Variants in EPM2A observed in about 807,000 individuals in gnomAD.
EPM2A encodes laforin.
A neutral mutation model predicts 26.5 loss-of-function variants in EPM2A; 21 were observed. That is an observed-to-expected ratio of 0.79 (90% CI 0.56 to 1.14). EPM2A has a LOEUF of 1.14. Ranked by LOEUF, EPM2A falls within the 50% of genes most tolerant of loss-of-function variation. EPM2A has a pLI of 0.00. For missense variants in EPM2A, 458 were observed against 440.8 expected (o/e 1.04, Z -0.35); for synonymous variants, 217 against 177.6 (o/e 1.22, Z -1.76).
intron 4 of EPM2A, among the ~76,000 whole-genome samples, chr6:145,483,931 G>A (rs1233113879): frequency 6.6e-6 from 1 of 152,104 alleles, no homozygotes; most frequent in Non-Finnish European, 1.5e-5. Flanking sequence ...TGTCTGAGAT[G>A]GAGAAGAAGC....
intron 1 of EPM2A, among the ~76,000 whole-genome samples, chr6:145,702,628 C>T (rs369037172): frequency 6.6e-6 from 1 of 152,196 alleles, no homozygotes; most frequent in African/African-American, 2.4e-5. Context: ...TACACCTCTT[C>T]CAGTCCTCCT....
intron 2 of EPM2A, among the ~76,000 whole-genome samples, chr6:145,515,005 A>T (rs1780105877): frequency 6.6e-6 from 1 of 152,222 alleles, no homozygotes. Context: ...AAAGCTCTGC[A>T]CTAGCTGCCT....
chr6:145,532,463 T>C lies in EPM2A; in HGVS notation c.341-29888A>G, dbSNP rs111242932. 5.3e-3 allele frequency among the ~76,000 whole-genome samples: 801 copies of C among 152,272 alleles called. 8 individuals carry two copies. The highest frequency in any genetic ancestry group is 0.018 in the African/African-American group (733 of 41,544). On this transcript the variant is annotated intron_variant, in intron 2 of 3. Coordinates refer to the EPM2A transcript ENST00000450221. ...ACTCATGTGGTCCTAAAACTAACCT[T>C]TGATCATTCACGGGCATGATGGCTC...
intron 2 of EPM2A, chr6:145,671,156 G>C (rs1779606542): frequency 2.0e-6 from 2 of 1,003,456 alleles, no homozygotes; most frequent in Admixed American, 1.2e-4. Context: ...CTCCAAAAAA[G>C]ATTCTTGTCG....
Position 145,625,450 on chromosome 6 carries a change from A to C in EPM2A, c.*1966T>G. ...TTTGTCTATCAGAGCAAAAGGAACA[A>C]AGGTAAAAATCCACCTGAAAAAAGA... On this transcript the variant is annotated 3_prime_UTR_variant, in exon 4 of 4. Coordinates refer to ENST00000367519, the MANE Select transcript of EPM2A (RefSeq NM_005670.4). The C allele has an allele frequency of 2.0e-6, 1 of 494,762 alleles. No individual in the cohort carries two copies. The highest frequency in any genetic ancestry group is 3.6e-6 in the Non-Finnish European group (1 of 277,736). 30.6% of individuals were successfully genotyped at this position (494,762 alleles called of 1,614,324 possible).
At chr6:145,734,558 C>T (rs1776706606) in intron 1 of EPM2A, 1 of 151,940 alleles carries the variant, frequency 6.6e-6, no homozygotes, top group Non-Finnish European at 1.5e-5. Flanking sequence ...AAAAAAAATC[C>T]AAAAAGGGAA....
At chr6:145,638,052 T>C (rs945255003) in intron 2 of EPM2A, 11 of 152,322 alleles carry the variant, frequency 7.2e-5, no homozygotes, top group South Asian at 2.1e-4. Flanking sequence ...TTTATTTGTT[T>C]GTTTGTTTTT....
At chr6:145,479,803 C>T (rs1298480261) in intron 4 of EPM2A, among the ~76,000 whole-genome samples, 1 of 151,992 alleles carries the variant, frequency 6.6e-6, no homozygotes, top group Non-Finnish European at 1.5e-5. Flanking sequence ...ATATGACAAT[C>T]CCATGTTTAG....
At chr6:145,434,047 C>T (rs1778955204) in intron 4 of EPM2A, among the ~76,000 whole-genome samples, 1 of 151,820 alleles carries the variant, frequency 6.6e-6, no homozygotes, top group Non-Finnish European at 1.5e-5. Flanking sequence ...ATTTTACCCT[C>T]TTTTTTTGTG....
At chr6:145,541,058 AT>A (rs2114794227) in intron 2 of EPM2A, among the ~76,000 whole-genome samples, 1 of 152,040 alleles carries the variant, frequency 6.6e-6, no homozygotes, top group African/African-American at 2.4e-5. Context: ...CACGCATTCC[AT>A]TTTCCCCCTA....
intron 2 of EPM2A, among the ~76,000 whole-genome samples, chr6:145,520,148 G>T (rs1290867934): frequency 6.6e-6 from 1 of 151,994 alleles, no homozygotes; most frequent in Non-Finnish European, 1.5e-5. Context: ...CATCTTTTGT[G>T]AAAACAAAAG....
chr6:145,492,604 G>A (rs1163247762), intron 4 of EPM2A, among the ~76,000 whole-genome samples: 1 of 152,228 alleles, frequency 6.6e-6, no homozygotes, highest in African/African-American at 2.4e-5. Context: ...GAAGGCGAAT[G>A]CAGAGGATTT....
At chr6:145,500,547 C>CAGTA (rs1779875942), downstream of EPM2A, among the ~76,000 whole-genome samples, 1 of 152,180 alleles carries the variant, frequency 6.6e-6, no homozygotes, top group African/African-American at 2.4e-5. Context: ...CTATCCCCAT[C>CAGTA]AGTAGACAAA....
chr6:145,603,472 A>G (rs1377383537), intron 2 of EPM2A, among the ~76,000 whole-genome samples: 1 of 152,156 alleles, frequency 6.6e-6, no homozygotes, highest in African/African-American at 2.4e-5. Context: ...TGATTAATTG[A>G]CATCTGTTTT....
At chr6:145,455,625 G>A (rs1453126079) in intron 4 of EPM2A, among the ~76,000 whole-genome samples, 1 of 152,100 alleles carries the variant, frequency 6.6e-6, no homozygotes, top group African/African-American at 2.4e-5. Context: ...CCAAAGTGCT[G>A]GGATTACAGG....
rs563737025 is a variant in EPM2A, at chr6:145,557,167, A to G, written c.341-54592T>C. 2.6e-5 allele frequency among the ~76,000 whole-genome samples: 4 copies of G among 152,278 alleles called. No individual in the cohort carries two copies. The South Asian group carries it at 8.3e-4, about 32-fold the overall frequency. On this transcript the variant is annotated intron_variant, in intron 2 of 3. Coordinates refer to the EPM2A transcript ENST00000450221. The stretch of plus-strand genomic sequence containing the variant: ...TTCAGTATTTCAATTCATAAATTAT[A>G]TATTTTGAGAGTAACTTCTCAATTC...
intron 2 of EPM2A, among the ~76,000 whole-genome samples, chr6:145,671,557 T>A (rs369056928): frequency 6.6e-6 from 1 of 152,230 alleles, no homozygotes; most frequent in Non-Finnish European, 1.5e-5. Context: ...AGTCATCTAG[T>A]TCAACCAGCT....
intron 4 of EPM2A, among the ~76,000 whole-genome samples, chr6:145,457,481 C>CA (rs11325982): frequency 0.018 from 1,915 of 105,266 alleles, 17 homozygotes; most frequent in Non-Finnish European, 0.022. Context: ...GACTCTGTCT[C>CA]AAAAAAAAAA....
chr6:145,558,388 T>A (rs1256912475), intron 2 of EPM2A, among the ~76,000 whole-genome samples: 1 of 152,112 alleles, frequency 6.6e-6, no homozygotes, highest in Non-Finnish European at 1.5e-5. Flanking sequence ...AATGCTGCAA[T>A]GAACATGGGA....
Sources: allele counts gnomAD v4.1 joint callset (sites outside exome capture counted in the v4.1 genomes callset), GRCh38; gene constraint gnomAD v4.1.1; transcripts MANE v1.5; gene names NCBI Gene and HGNC (gene_info 2026-07-23, HGNC 2026-07-21).